RNF20: variants seen among roughly 807,000 people sequenced by gnomAD.
RNF20 encodes the protein ring finger protein 20.
In RNF20, 84 loss-of-function variants were observed where a neutral mutation model predicts 126.2. The ratio of observed to expected loss-of-function variants is 0.67; its 90% CI spans 0.56 to 0.80. The LOEUF is 0.80. Ranked by LOEUF, RNF20 falls within the 30% of genes least tolerant of loss-of-function variation. The probability of loss-of-function intolerance (pLI) is 0.00; values close to 1 mark genes in which losing one functional copy is unlikely to be tolerated. For synonymous variants in RNF20, 400 were observed against 414.3 expected (o/e 0.97, Z 0.42); for missense variants, 869 against 1,188.2 (o/e 0.73, Z 3.95).
intron 5 of RNF20, among the ~76,000 whole-genome samples, chr9:101,543,691 T>C (rs1360664979): frequency 6.6e-6 from 1 of 152,280 alleles, no homozygotes; most frequent in Non-Finnish European, 1.5e-5. Context: ...GGCTTGTTTA[T>C]AAATTCACTA....
intron 17 of RNF20, 74 bp downstream of exon 17, chr9:101,561,000 C>G: frequency 6.3e-7 from 1 of 1,594,860 alleles, no homozygotes; most frequent in Non-Finnish European, 8.6e-7. Context: ...ATTGTAAGTT[C>G]GCTTTATTCC....
intron 13 of RNF20, among the ~76,000 whole-genome samples, 174 bp from the exon 14 acceptor site, chr9:101,553,814 C>A (rs184645640): frequency 9.2e-5 from 14 of 152,256 alleles, no homozygotes; most frequent in Admixed American, 4.6e-4. Flanking sequence ...TCTGTACTTT[C>A]TAAGCATATC....
rs755679443 is a variant in RNF20, at chr9:101,562,574, A to G, written c.*152A>G. On this transcript the variant is annotated 3_prime_UTR_variant, in exon 20 of 20. Transcript: ENST00000389120. ...ACTTTACTTCCAGGCTCTCCTCTTC[A>G]GTAGCTGGATGACTTTAGCAGAAAG... 6.2e-6 allele frequency: 4 copies of G among 645,244 alleles called. No individual in the cohort carries two copies. Among genetic ancestry groups the G allele is most frequent in the Non-Finnish European group, 1.0e-5 (4 of 394,732 alleles). 40.0% of individuals were successfully genotyped at this position (645,244 alleles called of 1,614,324 possible). A position where few individuals can be genotyped will look rare whatever the true frequency, so the allele number is the denominator to read the frequency against.
intron 5 of RNF20, among the ~76,000 whole-genome samples, chr9:101,543,779 A>G (rs1275449161): frequency 1.3e-5 from 2 of 152,220 alleles, no homozygotes; most frequent in Non-Finnish European, 2.9e-5. Context: ...TTCAGTCTCT[A>G]CTTCTTAACT....
Position 101,544,645 on chromosome 9 carries a change from T to G in RNF20, c.629-122T>G, listed in dbSNP as rs192450509. 2.9e-3 allele frequency: 1,787 copies of G among 620,238 alleles called. 47 individuals carry two copies. In the East Asian group the frequency reaches 0.043, roughly 15 times the overall value. 38.4% of individuals were successfully genotyped at this position (620,238 alleles called of 1,614,324 possible). A position where few individuals can be genotyped will look rare whatever the true frequency, so the allele number is the denominator to read the frequency against. On this transcript the variant is annotated intron_variant, in intron 5 of 19. Transcript: ENST00000389120. The stretch of plus-strand genomic sequence containing the variant: ...CGGCTCGAACCCTGGAGGCAGAGGT[T>G]GCAGTGAGCCGAGATCGCGCCACTG...
chr9:101,546,159 T>A (rs1827344521), intron 6 of RNF20, among the ~76,000 whole-genome samples: 1 of 152,166 alleles, frequency 6.6e-6, no homozygotes. Flanking sequence ...CAGAGGACTT[T>A]CAAAGGATTT....
At chr9:101,546,387 T>C (rs1455476127) in intron 6 of RNF20, among the ~76,000 whole-genome samples, 1 of 152,226 alleles carries the variant, frequency 6.6e-6, no homozygotes, top group Non-Finnish European at 1.5e-5. Context: ...TCTTTTGTTG[T>C]GAATGAATGG....
chr9:101,549,335 G>A (rs1827404791), intron 9 of RNF20, among the ~76,000 whole-genome samples: 1 of 152,212 alleles, frequency 6.6e-6, no homozygotes, highest in Non-Finnish European at 1.5e-5. Flanking sequence ...CATAGAGAGA[G>A]AGGAGACAGA....
chr9:101,561,413 C>G, intron 18 of RNF20, 183 bp downstream of exon 18: 2 of 593,202 alleles, frequency 3.4e-6, no homozygotes, highest in Non-Finnish European at 2.9e-6. Context: ...TTTATGGTGC[C>G]TTGCACCTAG....
chr9:101,558,422 G>A (rs1316748884), intron 16 of RNF20, among the ~76,000 whole-genome samples: 3 of 152,028 alleles, frequency 2.0e-5, no homozygotes, highest in South Asian at 2.1e-4. Flanking sequence ...GTAGATACCC[G>A]GAAGTGGGAT....
At chr9:101,551,592 G>C in intron 10 of RNF20, 92 bp from the exon 11 acceptor site, 1 of 601,376 alleles carries the variant, frequency 1.7e-6, no homozygotes, top group Non-Finnish European at 2.3e-6. Context: ...CGTATAGATT[G>C]AACTGGAAAT....
At position 101,560,821 on chromosome 9, in the gene RNF20, A is replaced by G; in HGVS notation, c.2403A>G (p.Val801=). 1 of 1,613,072 alleles carries G rather than the reference A, an allele frequency of 6.2e-7. No homozygotes were observed. The highest frequency in any genetic ancestry group is 8.5e-7 in the Non-Finnish European group (1 of 1,179,414). Residue 801 remains valine (V), a synonymous_variant, in exon 17 of 20, where the codon GTA becomes GTG. Coordinates refer to ENST00000389120, the MANE Select transcript of RNF20 (RefSeq NM_019592.7). ...LKTQVDAQLQ[V]VRKLEEKEHL... Reference sequence around the variant, plus strand: ...CAAAGGTTGATGCCCAGCTACAGGTAGTAAGGAAACTGGAAGAGAAGGAGC... The same window carrying G: ...CAAAGGTTGATGCCCAGCTACAGGTGGTAAGGAAACTGGAAGAGAAGGAGC...
chr9:101,536,768 C>G (rs957609202), intron 2 of RNF20, among the ~76,000 whole-genome samples: 1 of 152,144 alleles, frequency 6.6e-6, no homozygotes, highest in Non-Finnish European at 1.5e-5. Flanking sequence ...GCACATAGCA[C>G]ACACCCCAGT....
intron 10 of RNF20, 141 bp downstream of exon 10, chr9:101,550,926 C>A: frequency 1.3e-6 from 1 of 773,470 alleles, no homozygotes; most frequent in Non-Finnish European, 2.2e-6. Flanking sequence ...CTGGTAGGTA[C>A]TGGGCATATA....
At chr9:101,551,136 T>C (rs1201390200) in intron 10 of RNF20, among the ~76,000 whole-genome samples, 1 of 152,152 alleles carries the variant, frequency 6.6e-6, no homozygotes, top group African/African-American at 2.4e-5. Context: ...GGATAAATTA[T>C]TGGTAGTTGA....
chr9:101,555,387 T>C (rs1299598950), intron 15 of RNF20, among the ~76,000 whole-genome samples: 1 of 152,032 alleles, frequency 6.6e-6, no homozygotes, highest in Admixed American at 6.6e-5. Context: ...TATGGCTATT[T>C]TGGGGTCATA....
In RNF20 at chr9:101,551,707, G is replaced by C; in HGVS notation, c.1296G>C (p.Lys432Asn). ...LIERDEVSLH[K>N]KLRTEVIQLE... Reference sequence around the variant, plus strand: ...AGCGAGATGAGGTTAGTCTTCATAAGAAGCTGAGGACTGAAGTAATTCAGC... The same window carrying C: ...AGCGAGATGAGGTTAGTCTTCATAACAAGCTGAGGACTGAAGTAATTCAGC... The change falls in exon 11 of 20, where the codon AAG becomes AAC. Residue 432 changes from lysine to asparagine, a missense_variant. By Grantham distance (94) the Lys-to-Asn change is moderately conservative (BLOSUM62 0). Transcript: ENST00000389120. The C allele has an allele frequency of 6.7e-7, 1 of 1,496,800 alleles. No homozygotes were observed. Among genetic ancestry groups the C allele is most frequent in the East Asian group, 2.6e-5 (1 of 38,406 alleles). The allele number at this position is 1,496,800 out of a possible 1,614,324, so 92.7% of individuals were successfully genotyped here. A position where few individuals can be genotyped will look rare whatever the true frequency, so the allele number is the denominator to read the frequency against.
intron 18 of RNF20, among the ~76,000 whole-genome samples, chr9:101,561,630 A>G (rs1249843329): frequency 6.6e-6 from 1 of 152,206 alleles, no homozygotes; most frequent in Non-Finnish European, 1.5e-5. Context: ...ACTAATTACT[A>G]TAAAACAAAA....
In RNF20 at chr9:101,554,908, C is replaced by A. The variant is rs374688689; in HGVS notation, c.2169+65C>A. On this transcript the variant is annotated intron_variant, in intron 15 of 19. Transcript: ENST00000389120. The stretch of plus-strand genomic sequence containing the variant: ...ATGTTACTTGACAATAAGTTATTGC[C>A]AGTGAAATTTGCTTTTTTATTTTGG... 3.1e-6 allele frequency: 4 copies of A among 1,277,364 alleles called. No individual in the cohort carries two copies. The African/African-American group carries it at 4.6e-5, about 15-fold the overall frequency. The allele number at this position is 1,277,364 out of a possible 1,614,324, so 79.1% of individuals were successfully genotyped here.
Sources: gnomAD v4.1 joint callset for allele counts (sites outside exome capture counted in the v4.1 genomes callset) on GRCh38, gnomAD v4.1.1 for gene constraint, MANE v1.5 for transcripts, NCBI Gene and HGNC (gene_info 2026-07-23, HGNC 2026-07-21) for gene names.